The following CSF2RA variants were observed in gnomAD, a reference collection of about 807,000 sequenced individuals.
The protein encoded by CSF2RA is colony stimulating factor 2 receptor subunit alpha.
Under a neutral mutation model 51.6 loss-of-function variants are expected in CSF2RA, and 42 were observed. The ratio of observed to expected loss-of-function variants is 0.81; its 90% confidence interval spans 0.64 to 1.05. The LOEUF is 1.05. Among genes scored for constraint, CSF2RA ranks in the 50% least tolerant of loss-of-function variants. The probability of loss-of-function intolerance (pLI) is 0.00; values close to 1 mark genes in which losing one functional copy is unlikely to be tolerated. For missense variants in CSF2RA, 530 were observed against 501.1 expected (o/e 1.06, Z -0.55); for synonymous variants, 222 against 193.0 (o/e 1.15, Z -1.24).
Position 1,309,732 on chromosome X carries a change from C to T in CSF2RA, c.*253C>T, listed in dbSNP as rs1489253121. ...TGAAACCCCATCTGGACTAAAAATG[C>T]AGAAATTTACCCAGGCACGGCGGCG... On this transcript the variant is annotated 3_prime_UTR_variant, in exon 13 of 13. Coordinates refer to ENST00000381529, the MANE Select transcript of CSF2RA (RefSeq NM_172245.4). The T allele has an allele frequency of 1.3e-6, 1 of 797,942 alleles. No homozygotes were observed. The highest frequency in any genetic ancestry group is 2.1e-5 in the Admixed American group (1 of 47,686). The allele number at this position is 797,942 out of a possible 1,614,324, so 49.4% of individuals were successfully genotyped here.
At chrX:1,316,866 G>A in the CSF2RA span, among the ~76,000 whole-genome samples, 446 of 152,362 alleles carry the variant, frequency 2.9e-3, 1 homozygote, top group Non-Finnish European at 5.1e-3. Flanking sequence ...GGGCCAACAC[G>A]CTTGCCCCCC....
At chrX:1,307,033 G>A (rs1381680915) in intron 12 of CSF2RA, among the ~76,000 whole-genome samples, 1 of 151,660 alleles carries the variant, frequency 6.6e-6, no homozygotes, top group East Asian at 1.9e-4. Context: ...CCCAGAGAGG[G>A]TGAACAAGGG....
intron 2 of CSF2RA, among the ~76,000 whole-genome samples, chrX:1,277,167 G>T (rs1377282002): frequency 6.6e-6 from 1 of 152,010 alleles, no homozygotes; most frequent in African/African-American, 2.4e-5. Context: ...ATGACAGAAA[G>T]CTTAGAAGTC....
At chrX:1,309,179 G>A (rs1241641280) in intron 12 of CSF2RA, among the ~76,000 whole-genome samples, 1 of 152,136 alleles carries the variant, frequency 6.6e-6, no homozygotes, top group African/African-American at 2.4e-5. Context: ...CAAATTTGTG[G>A]TGGCGGGCGC....
the CSF2RA span, among the ~76,000 whole-genome samples, chrX:1,325,005 C>G: frequency 6.6e-6 from 1 of 151,994 alleles, no homozygotes; most frequent in Non-Finnish European, 1.5e-5. Context: ...GCCACCGACA[C>G]CAGGTTCTCT....
chrX:1,315,658 G>A, the CSF2RA span, among the ~76,000 whole-genome samples: 4,419 of 152,188 alleles, frequency 0.029, 203 homozygotes, highest in African/African-American at 0.1. Flanking sequence ...GCCCGCCTCA[G>A]CCTCCCAAAA....
chrX:1,317,942 G>C, the CSF2RA span, among the ~76,000 whole-genome samples: 1 of 151,634 alleles, frequency 6.6e-6, no homozygotes, highest in Non-Finnish European at 1.5e-5. Flanking sequence ...TAGTAGCTTG[G>C]ATGACAGGCA....
intron 4 of CSF2RA, among the ~76,000 whole-genome samples, chrX:1,287,469 A>C (rs1165579389): frequency 7.6e-6 from 1 of 130,836 alleles, no homozygotes; most frequent in Non-Finnish European, 1.6e-5. Flanking sequence ...TTTGGGATGG[A>C]GTCTCGCTCT....
chrX:1,297,806 A>G (rs1245697610), intron 9 of CSF2RA, among the ~76,000 whole-genome samples: 24 of 129,920 alleles, frequency 1.8e-4, no homozygotes, highest in Non-Finnish European at 2.5e-4. Context: ...TCCCCTACCC[A>G]TGACCCCTGG....
intron 6 of CSF2RA, among the ~76,000 whole-genome samples, chrX:1,290,107 GT>G (rs1388436676): frequency 1.4e-3 from 151 of 107,208 alleles, no homozygotes; most frequent in African/African-American, 4.6e-3. Flanking sequence ...GTTTGTTTTT[GT>G]TTTGTGTTTT....
At chrX:1,323,158 T>TTAAAATAAAATAAAATAAA in the CSF2RA span, among the ~76,000 whole-genome samples, 1 of 133,956 alleles carries the variant, frequency 7.5e-6, no homozygotes, top group Non-Finnish European at 1.5e-5. Context: ...ACATTACAAT[T>TTAAAATAAAATAAAATAAA]ATAAAATAAA....
intron 1 of CSF2RA, among the ~76,000 whole-genome samples, chrX:1,273,210 T>C (rs1233114914): frequency 1.3e-5 from 2 of 152,142 alleles, no homozygotes; most frequent in Admixed American, 6.6e-5. Context: ...ATGGGATTTA[T>C]TGAACCCTGT....
chrX:1,271,976 C>T (rs1339299955), intron 1 of CSF2RA, among the ~76,000 whole-genome samples: 10 of 147,188 alleles, frequency 6.8e-5, no homozygotes, highest in African/African-American at 1.5e-4. Context: ...TTTTTTGAGA[C>T]GGAGTCTCGC....
At chrX:1,287,216 T>G (rs1418673193) in intron 4 of CSF2RA, 2 of 149,430 alleles carry the variant, frequency 1.3e-5, no homozygotes, top group Non-Finnish European at 3.0e-5. Flanking sequence ...TACACTGGTG[T>G]GATCTTGGCT....
At chrX:1,272,514 A>G (rs1272160241) in intron 1 of CSF2RA, among the ~76,000 whole-genome samples, 3 of 151,136 alleles carry the variant, frequency 2.0e-5, no homozygotes, top group Admixed American at 1.3e-4. Flanking sequence ...TTGAGACAGC[A>G]TCTCACTCTG....
rs753095305 is a variant in CSF2RA, at chrX:1,308,259, G to C, written c.1126-1143G>C. Among the ~76,000 whole-genome samples the C allele has an allele frequency of 2.6e-5, 4 of 152,216 alleles. No individual in the cohort carries two copies. In the South Asian group the frequency reaches 6.2e-4, roughly 24 times the overall value. The stretch of plus-strand genomic sequence containing the variant: ...CACGGGGACACGTCATTGGTGCCGG[G>C]TATCAGAGACGAAGGCCAAGAGATG... On this transcript the variant is annotated intron_variant, in intron 12 of 12. Coordinates refer to ENST00000381529, the MANE Select transcript of CSF2RA (RefSeq NM_172245.4).
the CSF2RA span, among the ~76,000 whole-genome samples, chrX:1,322,881 G>A: frequency 6.6e-6 from 1 of 152,048 alleles, no homozygotes; most frequent in African/African-American, 2.4e-5. Flanking sequence ...TGTAATCCCA[G>A]CACTTTGGGA....
At chrX:1,281,372 T>C (rs1186956632) in intron 2 of CSF2RA, among the ~76,000 whole-genome samples, 73 of 56,066 alleles carry the variant, frequency 1.3e-3, no homozygotes, top group Middle Eastern at 9.8e-3. Context: ...TCCTCCTCCT[T>C]CTCCTCCTCC....
Position 1,295,422 on chromosome X carries a change from T to A in CSF2RA, c.781-5T>A. On this transcript the variant is annotated splice_region_variant and splice_polypyrimidine_tract_variant and intron_variant, in intron 8 of 12. Transcript: ENST00000381529. The stretch of plus-strand genomic sequence containing the variant: ...GCCTTGTGTTGTGTTTTGTTTTGTT[T>A]CTAGAATACCCAGCCTGGCACGGAA... The A allele has an allele frequency of 6.2e-7, 1 of 1,613,512 alleles. No individual in the cohort carries two copies. Among genetic ancestry groups the A allele is most frequent in the Non-Finnish European group, 8.5e-7 (1 of 1,179,576 alleles).
Sources: gnomAD v4.1 joint callset for allele counts (sites outside exome capture counted in the v4.1 genomes callset) on GRCh38, gnomAD v4.1.1 for gene constraint, MANE v1.5 for transcripts, NCBI Gene and HGNC (gene_info 2026-07-23, HGNC 2026-07-21) for gene names.